BCL2L11: variants seen among roughly 807,000 people sequenced by gnomAD.
BCL2L11 encodes BCL2 like 11, also known as bcl-2-like protein 11.
In BCL2L11, 15 loss-of-function variants were observed where a neutral mutation model predicts 20.6. The observed-to-expected ratio is 0.73, with a 90% confidence interval of 0.49 to 1.12. BCL2L11 has a LOEUF of 1.12. Ranked by LOEUF, BCL2L11 falls within the 50% of genes most tolerant of loss-of-function variation. The pLI is 0.00. For synonymous variants in BCL2L11, 108 were observed against 92.8 expected, an observed-to-expected ratio of 1.16 and a Z score of -0.94; for missense variants, 292 against 260.9, an observed-to-expected ratio of 1.12 and a Z score of -0.82.
At chr2:111,122,699 G>A in intron 1 of BCL2L11, 10 of 982,034 alleles carry the variant, frequency 1.0e-5, no homozygotes, top group Non-Finnish European at 1.1e-5. Context: ...CCAGAGGCGC[G>A]GCGTGCGGAG....
chr2:111,142,303 TG>T, intron 2 of BCL2L11: 3 of 1,549,724 alleles, frequency 1.9e-6, no homozygotes. Flanking sequence ...AACATTTTTA[TG>T]GCTTGCAGAT....
intron 2 of BCL2L11, among the ~76,000 whole-genome samples, chr2:111,125,103 A>G (rs746637130): frequency 8.5e-5 from 13 of 152,186 alleles, no homozygotes; most frequent in Non-Finnish European, 1.5e-4. Context: ...GCCACACCTA[A>G]TTGTGGCTGT....
intron 2 of BCL2L11, among the ~76,000 whole-genome samples, chr2:111,149,251 G>T (rs528924014): frequency 7.9e-5 from 12 of 152,224 alleles, no homozygotes; most frequent in African/African-American, 2.6e-4. Context: ...CTGTCACATG[G>T]CTTTTAATGG....
intron 2 of BCL2L11, among the ~76,000 whole-genome samples, chr2:111,138,504 C>T (rs566057008): frequency 2.6e-5 from 4 of 152,284 alleles, no homozygotes; most frequent in African/African-American, 9.6e-5. Flanking sequence ...CAGTGTTAAC[C>T]GTTGTGTCTT....
chr2:111,145,920 CT>C (rs58738963), intron 2 of BCL2L11: 221,526 of 721,610 alleles, frequency 0.31, 6,096 homozygotes, highest in East Asian at 0.34. Flanking sequence ...TAGTGGCTTT[CT>C]TTTTTTTTTT....
At chr2:111,163,861 CTTTTT>C (rs10547953) in intron 3 of BCL2L11, among the ~76,000 whole-genome samples, 61 of 104,708 alleles carry the variant, frequency 5.8e-4, no homozygotes, top group African/African-American at 2.0e-3. Flanking sequence ...TTTTTGAGTG[CTTTTT>C]TTTTTTTTTT....
intron 3 of BCL2L11, chr2:111,153,692 A>T (rs2077502214): frequency 6.8e-7 from 1 of 1,470,888 alleles, no homozygotes; most frequent in African/African-American, 1.4e-5. Flanking sequence ...TATTTGCTTA[A>T]TGCTATTACA....
At chr2:111,150,632 C>T (rs2077134750) in intron 3 of BCL2L11, among the ~76,000 whole-genome samples, 1 of 152,230 alleles carries the variant, frequency 6.6e-6, no homozygotes, top group Non-Finnish European at 1.5e-5. Flanking sequence ...ATTGCCCTTG[C>T]AGAGCCCATT....
chr2:111,165,596 TG>T lies in BCL2L11; in HGVS notation c.*1366del, dbSNP rs1464921934. 1 of 152,348 alleles carries T rather than the reference TG, an allele frequency of 6.6e-6. No homozygotes were observed. The highest frequency in any genetic ancestry group is 1.9e-4 in the East Asian group (1 of 5,188). The allele number at this position is 152,348 out of a possible 1,614,324, so 9.4% of individuals were successfully genotyped here. A position where few individuals can be genotyped will look rare whatever the true frequency, so the allele number is the denominator to read the frequency against. On this transcript the variant is annotated 3_prime_UTR_variant, in exon 4 of 4. Transcript: ENST00000393256. ...AGTGAGGGTGCTCTTTCTCTGTGCC[TG>T]CTCCTTATGAGTGCAGTGGAAGGAA... is the stretch of plus-strand genomic sequence containing the variant.
At chr2:111,150,796 T>A (rs1366047388) in intron 3 of BCL2L11, among the ~76,000 whole-genome samples, 1 of 152,270 alleles carries the variant, frequency 6.6e-6, no homozygotes, top group Non-Finnish European at 1.5e-5. Context: ...TGTCATCTTC[T>A]GTAGTTAGTA....
At chr2:111,149,849 T>C (rs1211930152) in intron 2 of BCL2L11, among the ~76,000 whole-genome samples, 195 bp from the exon 3 acceptor site, 1 of 152,262 alleles carries the variant, frequency 6.6e-6, no homozygotes, top group East Asian at 1.9e-4. Context: ...ATATCTCTTA[T>C]TCTTTAACCA....
intron 3 of BCL2L11, among the ~76,000 whole-genome samples, chr2:111,155,161 G>A (rs1575170607): frequency 2.0e-5 from 3 of 152,228 alleles, no homozygotes; most frequent in Non-Finnish European, 2.9e-5. Context: ...TAGGCATGGA[G>A]GGAAGAGAAG....
chr2:111,159,413 A>G (rs371453304), intron 3 of BCL2L11, among the ~76,000 whole-genome samples: 9 of 152,328 alleles, frequency 5.9e-5, no homozygotes, highest in East Asian at 3.9e-4. Flanking sequence ...AGTGGTGGCC[A>G]TGGCAATTCT....
chr2:111,136,562 C>T (rs1193854606), intron 2 of BCL2L11, among the ~76,000 whole-genome samples: 3 of 152,160 alleles, frequency 2.0e-5, no homozygotes, highest in Non-Finnish European at 2.9e-5. Context: ...GGGTGGCTTA[C>T]AAACAACAGA....
chr2:111,123,134 C>G (rs943590067), intron 1 of BCL2L11: 1 of 983,286 alleles, frequency 1.0e-6, no homozygotes, highest in African/African-American at 1.7e-5. Flanking sequence ...GCGTGCGGTA[C>G]GGGAGCGGGA....
intron 2 of BCL2L11, among the ~76,000 whole-genome samples, chr2:111,149,275 C>T (rs1035136355): frequency 6.6e-6 from 1 of 152,166 alleles, no homozygotes; most frequent in Non-Finnish European, 1.5e-5. Context: ...CATTAGTAAA[C>T]AGATGAATGT....
At chr2:111,131,011 T>C (rs1255249760) in intron 2 of BCL2L11, among the ~76,000 whole-genome samples, 2 of 152,200 alleles carry the variant, frequency 1.3e-5, no homozygotes, top group African/African-American at 4.8e-5. Flanking sequence ...AATTTGTCGA[T>C]ATTTTGTTGA....
intron 2 of BCL2L11, among the ~76,000 whole-genome samples, chr2:111,139,774 T>G (rs1420053990): frequency 6.6e-6 from 1 of 152,214 alleles, no homozygotes; most frequent in Admixed American, 6.5e-5. Context: ...TGAATTTGTC[T>G]CCCCAGTGTC....
At chr2:111,136,425 A>G (rs1447299868) in intron 2 of BCL2L11, among the ~76,000 whole-genome samples, 1 of 152,000 alleles carries the variant, frequency 6.6e-6, no homozygotes, top group Non-Finnish European at 1.5e-5. Context: ...TTCAGTTGGG[A>G]GAGGAAGGAC....
Sources: allele counts gnomAD v4.1 joint callset (sites outside exome capture counted in the v4.1 genomes callset), GRCh38; gene constraint gnomAD v4.1.1; transcripts MANE v1.5; gene names NCBI Gene and HGNC (gene_info 2026-07-23, HGNC 2026-07-21).